GPC5: variants seen among roughly 807,000 people sequenced by gnomAD.
GPC5 encodes the protein glypican-5.
GPC5 carries 47 observed loss-of-function variants against 53.9 expected under a neutral mutation model. The ratio of observed to expected loss-of-function variants is 0.87; its 90% CI spans 0.69 to 1.11. The LOEUF is 1.11. GPC5 is among the 50% of genes most tolerant of loss of function. GPC5 has a pLI of 0.00. For missense variants in GPC5, 748 were observed against 713.1 expected (o/e 1.05, Z -0.56); for synonymous variants, 286 against 263.3 (o/e 1.09, Z -0.84).
At chr13:91,850,542 C>T (rs2038900956) in intron 5 of GPC5, among the ~76,000 whole-genome samples, 1 of 152,078 alleles carries the variant, frequency 6.6e-6, no homozygotes, top group Non-Finnish European at 1.5e-5. Context: ...TCTGATCTTC[C>T]CTATTCTATT....
At chr13:92,761,980 T>C (rs1223957290) in intron 7 of GPC5, among the ~76,000 whole-genome samples, 4 of 152,054 alleles carry the variant, frequency 2.6e-5, no homozygotes, top group Non-Finnish European at 5.9e-5. Context: ...ACATGTAAAG[T>C]TGATGGAAAT....
chr13:91,466,611 G>A (rs966295645), intron 2 of GPC5, among the ~76,000 whole-genome samples: 3 of 152,076 alleles, frequency 2.0e-5, no homozygotes, highest in African/African-American at 2.4e-5. Flanking sequence ...AATAGTCTGG[G>A]TGAGAGAAAA....
chr13:92,357,689 G>A (rs372015769), intron 7 of GPC5, among the ~76,000 whole-genome samples: 27 of 151,684 alleles, frequency 1.8e-4, no homozygotes, highest in South Asian at 4.1e-4. Context: ...ATATCAGGGC[G>A]AAAGGCGAAG....
At chr13:91,460,149 G>A (rs994333861) in intron 2 of GPC5, among the ~76,000 whole-genome samples, 1 of 152,046 alleles carries the variant, frequency 6.6e-6, no homozygotes, top group African/African-American at 2.4e-5. Flanking sequence ...AAAGTTCTAT[G>A]GTGAACTTAA....
intron 7 of GPC5, among the ~76,000 whole-genome samples, chr13:92,267,224 C>G (rs1366425242): frequency 6.6e-6 from 1 of 151,918 alleles, no homozygotes; most frequent in Non-Finnish European, 1.5e-5. Flanking sequence ...TATTATTTTA[C>G]CTCCCTAGTC....
chr13:92,403,066 C>G (rs1225475029), intron 7 of GPC5, among the ~76,000 whole-genome samples: 1 of 152,136 alleles, frequency 6.6e-6, no homozygotes, highest in Non-Finnish European at 1.5e-5. Context: ...AGCTACAACT[C>G]AAATTTTCTA....
At chr13:91,693,036 T>C in intron 2 of GPC5, 151 bp from the exon 3 acceptor site, 1 of 630,502 alleles carries the variant, frequency 1.6e-6, no homozygotes, top group Non-Finnish European at 2.8e-6. Context: ...CCGGTCATTA[T>C]CCTTGGAAAG....
chr13:91,571,887 GTGTGTA>G (rs2031849945), intron 2 of GPC5, among the ~76,000 whole-genome samples: 1 of 63,488 alleles, frequency 1.6e-5, no homozygotes, highest in Non-Finnish European at 2.6e-5. Flanking sequence ...ACACATATAC[GTGTGTA>G]TATACACATA....
intron 6 of GPC5, among the ~76,000 whole-genome samples, chr13:91,956,904 A>G (rs1289826707): frequency 1.3e-5 from 2 of 152,182 alleles, no homozygotes; most frequent in Non-Finnish European, 2.9e-5. Flanking sequence ...GTAAGGACAC[A>G]AGAAACATGA....
chr13:91,508,490 A>G (rs1885067736), intron 2 of GPC5, among the ~76,000 whole-genome samples: 1 of 152,174 alleles, frequency 6.6e-6, no homozygotes, highest in Non-Finnish European at 1.5e-5. Context: ...AGTTCATTAA[A>G]TGAGTTTTGT....
chr13:92,556,771 C>G (rs1882509043), intron 7 of GPC5, among the ~76,000 whole-genome samples: 1 of 151,740 alleles, frequency 6.6e-6, no homozygotes, highest in Admixed American at 6.6e-5. Context: ...TGTTGTAGAT[C>G]ATCATATGTT....
intron 2 of GPC5, among the ~76,000 whole-genome samples, chr13:91,691,250 A>T (rs546141156): frequency 6.6e-6 from 1 of 152,306 alleles, no homozygotes; most frequent in African/African-American, 2.4e-5. Context: ...CAATGTTTCA[A>T]AAACTGGCCA....
chr13:91,862,591 C>G (rs917879219), intron 5 of GPC5, among the ~76,000 whole-genome samples: 3 of 152,046 alleles, frequency 2.0e-5, no homozygotes, highest in African/African-American at 4.8e-5. Flanking sequence ...TTTCTACAAA[C>G]AAAATTGTGT....
At chr13:92,422,843 A>G (rs554565709) in intron 7 of GPC5, among the ~76,000 whole-genome samples, 4 of 152,400 alleles carry the variant, frequency 2.6e-5, no homozygotes, top group South Asian at 4.1e-4. Context: ...CATGGCAACA[A>G]TATGAGTCAC....
intron 7 of GPC5, among the ~76,000 whole-genome samples, chr13:92,490,498 G>C (rs943253181): frequency 6.6e-6 from 1 of 152,074 alleles, no homozygotes; most frequent in Non-Finnish European, 1.5e-5. Context: ...CCAGCCTTTA[G>C]AGGTGGAAGA....
At chr13:92,289,583 A>G (rs9589482) in intron 7 of GPC5, among the ~76,000 whole-genome samples, 11,285 of 151,980 alleles carry the variant, frequency 0.074, 551 homozygotes, top group African/African-American at 0.13. Flanking sequence ...TAATAATTCT[A>G]ATATTAGTTA....
intron 6 of GPC5, among the ~76,000 whole-genome samples, chr13:91,916,710 C>A (rs1168256991): frequency 6.6e-6 from 1 of 152,080 alleles, no homozygotes; most frequent in Non-Finnish European, 1.5e-5. Flanking sequence ...TCCTCAGGAA[C>A]CTTACAATCA....
chr13:91,443,990 A>T (rs1429276579), intron 1 of GPC5, among the ~76,000 whole-genome samples: 1 of 152,200 alleles, frequency 6.6e-6, no homozygotes, highest in African/African-American at 2.4e-5. Flanking sequence ...ATTTCAGATG[A>T]CATAAAATAC....
chr13:92,418,125 G>A (rs1385986966), intron 7 of GPC5, among the ~76,000 whole-genome samples: 6 of 152,038 alleles, frequency 3.9e-5, no homozygotes, highest in Non-Finnish European at 8.8e-5. Context: ...AAATAGATTG[G>A]TGATTTCCAA....
Sources: allele counts gnomAD v4.1 joint callset (sites outside exome capture counted in the v4.1 genomes callset), GRCh38; gene constraint gnomAD v4.1.1; transcripts MANE v1.5; gene names NCBI Gene and HGNC (gene_info 2026-07-23, HGNC 2026-07-21).